DNAJA1: variants seen among roughly 807,000 people sequenced by gnomAD.
The protein encoded by DNAJA1 is DnaJ heat shock protein family (Hsp40) member A1, also known as dnaJ homolog subfamily A member 1.
DNAJA1 carries 26 observed loss-of-function variants against 47.6 expected under a neutral mutation model. That is an observed-to-expected ratio of 0.55 (90% CI 0.40 to 0.76). The LOEUF (loss-of-function observed/expected upper bound fraction) is 0.76. DNAJA1 is among the 30% of genes least tolerant of loss of function. The pLI, the probability that DNAJA1 is intolerant of heterozygous loss-of-function variation, is 0.00. For synonymous variants in DNAJA1, 165 were observed against 158.4 expected (o/e 1.04, Z -0.31); for missense variants, 315 against 485.0 (o/e 0.65, Z 3.29).
At chr9:33,029,241 G>GAT (rs1388791646) in intron 3 of DNAJA1, among the ~76,000 whole-genome samples, 6 of 152,200 alleles carry the variant, frequency 3.9e-5, no homozygotes, top group Admixed American at 2.0e-4. Context: ...GGACAGAACA[G>GAT]ATATAAAACA....
intron 4 of DNAJA1, 69 bp from the exon 5 acceptor site, chr9:33,030,371 C>T (rs1466495273): frequency 2.1e-6 from 3 of 1,429,322 alleles, no homozygotes; most frequent in Admixed American, 2.0e-5. Context: ...TAGGAATTGT[C>T]TTCTTAAAAC....
intron 3 of DNAJA1, 72 bp downstream of exon 3, chr9:33,027,062 C>T (rs1838884190): frequency 1.3e-6 from 2 of 1,563,552 alleles, no homozygotes; most frequent in East Asian, 4.5e-5. Context: ...TGAGAAATCA[C>T]CCATTTTAAA....
chr9:33,038,819 G>A lies in DNAJA1; in HGVS notation c.1110G>A (p.Gln370=), dbSNP rs1839073942. 1.2e-6 allele frequency: 2 copies of A among 1,614,108 alleles called. No individual in the cohort carries two copies. Among genetic ancestry groups the A allele is most frequent in the East Asian group, 4.5e-5 (2 of 44,880 alleles). ...AACTGGTGGACTTTGATCCAAATCA[G>A]GAAAGACGGCGCCACTACAATGGAG... ...QVELVDFDPN[Q]ERRRHYNGEA... Residue 370 remains glutamine, a synonymous_variant, in exon 9 of 9, where the codon CAG becomes CAA. Coordinates refer to ENST00000330899, the MANE Select transcript of DNAJA1 (RefSeq NM_001539.4).
intron 5 of DNAJA1, among the ~76,000 whole-genome samples, chr9:33,031,494 C>T (rs1021712032): frequency 1.3e-5 from 2 of 152,082 alleles, no homozygotes; most frequent in African/African-American, 4.8e-5. Context: ...TGCAGTGATG[C>T]GATCTTGGCT....
At chr9:33,037,759 G>A (rs1281191301) in intron 8 of DNAJA1, among the ~76,000 whole-genome samples, 1 of 152,102 alleles carries the variant, frequency 6.6e-6, no homozygotes. Context: ...TTGAGGATGG[G>A]GTTTTTTGCA....
At chr9:33,038,583 A>G (rs951115690) in intron 8 of DNAJA1, 102 bp from the exon 9 acceptor site, 4 of 1,050,610 alleles carry the variant, frequency 3.8e-6, no homozygotes, top group Non-Finnish European at 5.5e-6. Flanking sequence ...ATTCACCTAA[A>G]TATTACGTGT....
At chr9:33,027,460 T>TG (rs1057027456) in intron 3 of DNAJA1, among the ~76,000 whole-genome samples, 64 of 152,034 alleles carry the variant, frequency 4.2e-4, no homozygotes, top group African/African-American at 1.5e-3. Flanking sequence ...GCCCAGCCAG[T>TG]GGTGTCGCTT....
rs1464066486 is a variant in DNAJA1, at chr9:33,037,074, C to T, written c.934C>T (p.Arg312Cys). The change falls in exon 8 of 9, where the codon CGT (arginine) becomes TGT (cysteine). Residue 312 changes from arginine (R) to cysteine (C), a missense_variant. Arg to Cys is a radical substitution (Grantham distance 180). This residue lies in a region of DNAJA1 where 162 missense variants were observed against 185.4 expected (regional missense o/e 0.87). Transcript: ENST00000330899. ...ACTAAATGAAGGCATGCCAATTTAT[C>T]GTAGACCATATGAAAAGGGTCGCCT... is the stretch of plus-strand genomic sequence containing the variant. ...CVLNEGMPIY[R>C]RPYEKGRLII... is the part of the protein sequence containing the mutation. The T allele has an allele frequency of 4.3e-6, 7 of 1,614,002 alleles. No homozygotes were observed. The highest frequency in any genetic ancestry group is 1.3e-5 in the African/African-American group (1 of 75,006).
chr9:33,032,152 A>G (rs930071246), intron 5 of DNAJA1, among the ~76,000 whole-genome samples: 1 of 152,270 alleles, frequency 6.6e-6, no homozygotes, highest in African/African-American at 2.4e-5. Context: ...ATATTTCCAT[A>G]TTAATATACA....
Position 33,039,665 on chromosome 9 carries a change from C to T in DNAJA1, c.*762C>T, listed in dbSNP as rs1401264163. On this transcript the variant is annotated 3_prime_UTR_variant, in exon 9 of 9. Coordinates refer to ENST00000330899, the MANE Select transcript of DNAJA1 (RefSeq NM_001539.4). ...GTAACAGAAATTAAAGTGAAAAGACCTTTACGTGGAGAATTTGCATGCGTA... is the reference window on the plus strand; with the variant it reads ...GTAACAGAAATTAAAGTGAAAAGACTTTTACGTGGAGAATTTGCATGCGTA... The T allele has an allele frequency of 6.6e-6, 1 of 151,188 alleles. No homozygotes were observed. The highest frequency in any genetic ancestry group is 1.5e-5 in the Non-Finnish European group (1 of 67,726). The allele number at this position is 151,188 out of a possible 1,614,324, so 9.4% of individuals were successfully genotyped here.
At chr9:33,028,325 T>G (rs1838907641) in intron 3 of DNAJA1, among the ~76,000 whole-genome samples, 1 of 152,198 alleles carries the variant, frequency 6.6e-6, no homozygotes, top group Non-Finnish European at 1.5e-5. Context: ...AAGTGGCCTA[T>G]GGGCTCTAGA....
intron 5 of DNAJA1, among the ~76,000 whole-genome samples, chr9:33,033,569 G>T (rs7859567): frequency 6.6e-6 from 1 of 151,948 alleles, no homozygotes; most frequent in Non-Finnish European, 1.5e-5. Context: ...GCTGGTCTGT[G>T]GTCCTGGCTA....
chr9:33,030,452 A>T lies in DNAJA1; in HGVS notation c.428A>T (p.Lys143Met). Residue 143 changes from lysine to methionine, a missense_variant, in exon 5 of 9, where the codon AAG becomes ATG. Transcript: ENST00000330899. ...TTTTTAAATTTAGGTAGAGGAGGTA[A>T]GAAAGGAGCAGTAGAGTGCTGTCCC... ...ICDKCEGRGGKKGAVECCPNC... is the reference protein window; with the variant it reads ...ICDKCEGRGGMKGAVECCPNC... 1 of 1,612,466 alleles carries T rather than the reference A, an allele frequency of 6.2e-7. No individual in the cohort carries two copies. The highest frequency in any genetic ancestry group is 1.1e-5 in the South Asian group (1 of 90,994).
In DNAJA1 at chr9:33,038,981, T is replaced by C; in HGVS notation, c.*78T>C. ...GTGAAGGACTGTAATCATAATATGC[T>C]CACTACTTGCTCTTGTTTTTGTTTT... On this transcript the variant is annotated 3_prime_UTR_variant, in exon 9 of 9. Transcript: ENST00000330899. The C allele has an allele frequency of 1.5e-6, 2 of 1,298,844 alleles. No individual in the cohort carries two copies. Among genetic ancestry groups the C allele is most frequent in the South Asian group, 1.3e-5 (1 of 78,594 alleles). 80.5% of individuals were successfully genotyped at this position (1,298,844 alleles called of 1,614,324 possible). A position where few individuals can be genotyped will look rare whatever the true frequency, so the allele number is the denominator to read the frequency against.
intron 1 of DNAJA1, 82 bp from the exon 2 acceptor site, chr9:33,026,391 CAA>C (rs1255452536): frequency 6.2e-6 from 9 of 1,459,366 alleles, no homozygotes; most frequent in Non-Finnish European, 8.2e-6. Flanking sequence ...TCGGATTTTG[CAA>C]AGAGATTGCT....
Position 33,039,170 on chromosome 9 carries a change from A to G in DNAJA1, c.*267A>G. On this transcript the variant is annotated 3_prime_UTR_variant, in exon 9 of 9. Transcript: ENST00000330899. Reference sequence around the variant, plus strand: ...CTAGCATTTCTAGGCCAAACCTTGTAATTGACTTCAGCTATGTACGTGGAC... The same window carrying G: ...CTAGCATTTCTAGGCCAAACCTTGTGATTGACTTCAGCTATGTACGTGGAC... The G allele has an allele frequency of 2.3e-6, 1 of 435,914 alleles. No homozygotes were observed. The highest frequency in any genetic ancestry group is 4.2e-6 in the Non-Finnish European group (1 of 238,234). The allele number at this position is 435,914 out of a possible 1,614,324, so 27.0% of individuals were successfully genotyped here.
chr9:33,031,394 G>A (rs1007899166), intron 5 of DNAJA1, among the ~76,000 whole-genome samples: 3 of 152,062 alleles, frequency 2.0e-5, no homozygotes, highest in African/African-American at 4.8e-5. Context: ...ACCGCACCCC[G>A]CCTCATGTTT....
intron 5 of DNAJA1, among the ~76,000 whole-genome samples, chr9:33,031,484 T>C (rs1332744266): frequency 6.6e-6 from 1 of 152,142 alleles, no homozygotes; most frequent in Non-Finnish European, 1.5e-5. Flanking sequence ...CAGGCTTGAG[T>C]GCAGTGATGC....
At position 33,029,109 on chromosome 9, in the gene DNAJA1, TTAG is replaced by T. The variant is rs1838920681; in HGVS notation, c.311-772_311-770del. On this transcript the variant is annotated intron_variant, in intron 3 of 8. Transcript: ENST00000330899. ...TGATTTAAGTGAAGTAAGGCACTCC[TTAG>T]TAGCCACTGGCCATGTGTGGCTCCA... Among the ~76,000 whole-genome samples, 5 of 152,360 alleles carry T rather than the reference TTAG, an allele frequency of 3.3e-5. No homozygotes were observed. The South Asian group carries it at 1.0e-3, about 32-fold the overall frequency.
Sources: allele counts gnomAD v4.1 joint callset (sites outside exome capture counted in the v4.1 genomes callset), GRCh38; gene constraint gnomAD v4.1.1; regional missense constraint gnomAD v4.1.1; transcripts MANE v1.5; gene names NCBI Gene and HGNC (gene_info 2026-07-23, HGNC 2026-07-21).